Variants in DUS1L observed in about 807,000 individuals in gnomAD.
The protein encoded by DUS1L is dihydrouridine synthase 1 like.
Under a neutral mutation model 61.2 loss-of-function variants are expected in DUS1L, and 56 were observed. The ratio of observed to expected loss-of-function variants is 0.92; its 90% CI spans 0.74 to 1.14. The LOEUF (loss-of-function observed/expected upper bound fraction) is 1.14. DUS1L is among the 50% of genes most tolerant of loss of function. The probability of loss-of-function intolerance (pLI) is 0.00; values close to 1 mark genes in which losing one functional copy is unlikely to be tolerated. For synonymous variants in DUS1L, 278 were observed against 259.5 expected (o/e 1.07, Z -0.69); for missense variants, 630 against 632.4 (o/e 1.00, Z 0.04).
chr17:82,062,709 C>T (rs1337749780), intron 5 of DUS1L, 152 bp downstream of exon 5: 2 of 651,098 alleles, frequency 3.1e-6, no homozygotes, highest in East Asian at 2.7e-5. Flanking sequence ...GGTGGTGGCA[C>T]TCAGAGCCAG....
At position 82,057,767 on chromosome 17, in the gene DUS1L, T is replaced by A; in HGVS notation, c.*348A>T. 1 of 217,652 alleles carries A rather than the reference T, an allele frequency of 4.6e-6. No homozygotes were observed. Among genetic ancestry groups the A allele is most frequent in the Non-Finnish European group, 9.2e-6 (1 of 109,088 alleles). 13.5% of individuals were successfully genotyped at this position (217,652 alleles called of 1,614,324 possible). On this transcript the variant is annotated 3_prime_UTR_variant, in exon 14 of 14. Coordinates refer to ENST00000306796, the MANE Select transcript of DUS1L (RefSeq NM_022156.5). Reference sequence around the variant, plus strand: ...CACTTTTGTCTACCCAGATGCTGCCTTCATTTAGATGTATCCTGTTGTTCA... The same window carrying A: ...CACTTTTGTCTACCCAGATGCTGCCATCATTTAGATGTATCCTGTTGTTCA...
At position 82,061,654 on chromosome 17, in the gene DUS1L, GGCAGC is replaced by G; in HGVS notation, c.656_660del (p.Arg219ProfsTer176). Reference sequence around the variant, plus strand: ...ACGCCCTGCACACCCGTGTCCCGGAGGCAGCGCTCCACGTCCTGCAGGCACTGGAT... The same window carrying G: ...ACGCCCTGCACACCCGTGTCCCGGAGGCTCCACGTCCTGCAGGCACTGGAT... On this transcript the variant is annotated frameshift_variant, in exon 7 of 14. Coordinates refer to ENST00000306796, the MANE Select transcript of DUS1L (RefSeq NM_022156.5). LOFTEE classifies it high-confidence loss of function. The G allele has an allele frequency of 1.2e-6, 2 of 1,612,910 alleles. No homozygotes were observed. Among genetic ancestry groups the G allele is most frequent in the South Asian group, 2.2e-5 (2 of 91,084 alleles).
At position 82,058,407 on chromosome 17, in the gene DUS1L, A is replaced by T. The variant is rs1180019576; in HGVS notation, c.1216T>A (p.Cys406Ser). Residue 406 changes from cysteine (C) to serine (S), a missense_variant, in exon 13 of 14, where the codon TGT becomes AGT. By Grantham distance (112) the Cys-to-Ser change is moderately radical. Transcript: ENST00000306796. ...CAGCCGCGGCACAGGCTGAACACAC[A>T]TCTGTTGCCCTGGGCACAGGAAATC... is the stretch of plus-strand genomic sequence containing the variant. ...DQCGNPKGNR[C>S]VFSLCRGCCK... is the part of the protein sequence containing the mutation. The T allele has an allele frequency of 6.7e-7, 1 of 1,491,396 alleles. No individual in the cohort carries two copies. Among genetic ancestry groups the T allele is most frequent in the African/African-American group, 1.4e-5 (1 of 71,176 alleles). The allele number at this position is 1,491,396 out of a possible 1,614,324, so 92.4% of individuals were successfully genotyped here. A position where few individuals can be genotyped will look rare whatever the true frequency, so the allele number is the denominator to read the frequency against.
chr17:82,058,686 G>A (rs1191183696), intron 12 of DUS1L, 95 bp downstream of exon 12: 11 of 1,582,948 alleles, frequency 6.9e-6, no homozygotes, highest in Admixed American at 1.7e-5. Flanking sequence ...ACCCAGCTGG[G>A]CGGGCACCAG....
In DUS1L at chr17:82,060,036, T is replaced by C. The variant is rs1288137661; in HGVS notation, c.1080A>G (p.Glu360=). Residue 360 remains glutamate, a synonymous_variant, in exon 11 of 14, where the codon GAA becomes GAG. Coordinates refer to ENST00000306796, the MANE Select transcript of DUS1L (RefSeq NM_022156.5). ...AGARSKRALE[E]EEGGTEVLSK... ...ACAGGACCTCCGTGCCACCCTCCTC[T>C]TCCTCCAGGGCCCGCTTGCTGCGCG... 6 of 1,613,604 alleles carry C rather than the reference T, an allele frequency of 3.7e-6. No homozygotes were observed. The highest frequency in any genetic ancestry group is 5.1e-6 in the Non-Finnish European group (6 of 1,179,954).
At chr17:82,060,446 G>A (rs1027415164) in intron 10 of DUS1L, 1 of 592,200 alleles carries the variant, frequency 1.7e-6, no homozygotes, top group African/African-American at 1.9e-5. Flanking sequence ...GTATGTTATG[G>A]AAGAAAAGAT....
In DUS1L at chr17:82,058,037, C is replaced by T. The variant is rs751848879; in HGVS notation, c.*78G>A. The T allele has an allele frequency of 7.0e-6, 10 of 1,432,460 alleles. No homozygotes were observed. The highest frequency in any genetic ancestry group is 5.8e-5 in the African/African-American group (4 of 69,122). The allele number at this position is 1,432,460 out of a possible 1,614,324, so 88.7% of individuals were successfully genotyped here. ...TTTCCACATTAAGTAGCAGGAGATTCCCTGAGTAAAAGGCATTTTCTTAAG... is the reference window on the plus strand; with the variant it reads ...TTTCCACATTAAGTAGCAGGAGATTTCCTGAGTAAAAGGCATTTTCTTAAG... On this transcript the variant is annotated 3_prime_UTR_variant, in exon 14 of 14. Transcript: ENST00000306796.
intron 11 of DUS1L, 138 bp downstream of exon 11, chr17:82,059,810 C>T (rs754408167): frequency 2.5e-5 from 33 of 1,305,574 alleles, no homozygotes; most frequent in Middle Eastern, 2.5e-4. Flanking sequence ...ACTACTCCGC[C>T]AAGCCCTCCA....
chr17:82,059,836 C>T (rs2033379895), intron 11 of DUS1L, 112 bp downstream of exon 11: 1 of 1,490,516 alleles, frequency 6.7e-7, no homozygotes, highest in Non-Finnish European at 9.2e-7. Flanking sequence ...CTGCTTCCAG[C>T]TCTGGGCCTT....
At chr17:82,058,724 C>T (rs543202095) in intron 12 of DUS1L, 57 bp downstream of exon 12, 2 of 1,610,548 alleles carry the variant, frequency 1.2e-6, no homozygotes, top group African/African-American at 2.7e-5. Flanking sequence ...GTGCAGAGAC[C>T]ACCCTGCCCA....
At chr17:82,060,674 C>G (rs1187016686) in intron 10 of DUS1L, 27 bp downstream of exon 10, 1 of 1,608,228 alleles carries the variant, frequency 6.2e-7, no homozygotes, top group Non-Finnish European at 8.5e-7. Flanking sequence ...GGTGCACATC[C>G]CCGCCCAGGG....
Position 82,061,198 on chromosome 17 carries a change from G to A in DUS1L, c.842+11C>T, listed in dbSNP as rs753416829. 2.5e-6 allele frequency: 4 copies of A among 1,578,310 alleles called. No homozygotes were observed. Among genetic ancestry groups the A allele is most frequent in the Non-Finnish European group, 3.5e-6 (4 of 1,158,998 alleles). ...CCTCCAACGTGGCTTCTGCCTTAGG[G>A]GGCAACTCACGTGTGGTGCCACAGC... On this transcript the variant is annotated intron_variant, in intron 8 of 13. Transcript: ENST00000306796.
At chr17:82,059,036 G>A in intron 11 of DUS1L, 2 of 582,832 alleles carry the variant, frequency 3.4e-6, no homozygotes, top group Non-Finnish European at 6.2e-6. Context: ...CCATCCTGCA[G>A]GAAACGGATA....
chr17:82,059,904 G>A, intron 11 of DUS1L, 44 bp downstream of exon 11: 1 of 1,610,842 alleles, frequency 6.2e-7, no homozygotes, highest in Non-Finnish European at 8.5e-7. Flanking sequence ...GGATGGGGGT[G>A]ATGAAGAGGC....
At chr17:82,063,871 C>T (rs1438612717) in intron 3 of DUS1L, among the ~76,000 whole-genome samples, 2 of 152,178 alleles carry the variant, frequency 1.3e-5, no homozygotes, top group African/African-American at 4.8e-5. Context: ...AATGGGGACC[C>T]TGTATCAGCA....
At chr17:82,061,037 G>A (rs776901253) in intron 8 of DUS1L, 76 bp from the exon 9 acceptor site, 98 of 1,550,068 alleles carry the variant, frequency 6.3e-5, no homozygotes, top group Non-Finnish European at 7.6e-5. Context: ...CTGGGCACAC[G>A]GGGACCTGTG....
At position 82,059,943 on chromosome 17, in the gene DUS1L, C is replaced by T; in HGVS notation, c.1168+5G>A. 1.2e-6 allele frequency: 2 copies of T among 1,613,954 alleles called. No individual in the cohort carries two copies. The highest frequency in any genetic ancestry group is 8.5e-7 in the Non-Finnish European group (1 of 1,179,956). ...CTCGGGCCCATCAGCGGAAGCAGCACTTACGCTTCAGAGAGGGGTCGAAGG... is the reference window on the plus strand; with the variant it reads ...CTCGGGCCCATCAGCGGAAGCAGCATTTACGCTTCAGAGAGGGGTCGAAGG... On this transcript the variant is annotated splice_donor_5th_base_variant and intron_variant, in intron 11 of 13. Transcript: ENST00000306796.
At chr17:82,063,792 CAAGT>C (rs1049510752) in intron 3 of DUS1L, among the ~76,000 whole-genome samples, 8 of 152,340 alleles carry the variant, frequency 5.3e-5, no homozygotes, top group African/African-American at 1.9e-4. Flanking sequence ...GGTCTGGAAC[CAAGT>C]AACACCTCCT....
Position 82,064,039 on chromosome 17 carries a change from C to T in DUS1L, c.346+87G>A, listed in dbSNP as rs538430109. 166 of 1,170,712 alleles carry T rather than the reference C, an allele frequency of 1.4e-4. 3 individuals carry two copies. In the South Asian group the frequency reaches 1.9e-3, roughly 14 times the overall value. The allele number at this position is 1,170,712 out of a possible 1,614,324, so 72.5% of individuals were successfully genotyped here. A position where few individuals can be genotyped will look rare whatever the true frequency, so the allele number is the denominator to read the frequency against. On this transcript the variant is annotated intron_variant, in intron 3 of 13. Transcript: ENST00000306796. ...CTGTCACGACAGAGGCAGGGCCTGC[C>T]GTCCTCCAAGCTCACCACACCTGGG... is the stretch of plus-strand genomic sequence containing the variant.
Sources: gnomAD v4.1 joint callset for allele counts (sites outside exome capture counted in the v4.1 genomes callset) on GRCh38, gnomAD v4.1.1 for gene constraint, MANE v1.5 for transcripts, NCBI Gene and HGNC (gene_info 2026-07-23, HGNC 2026-07-21) for gene names.